LRP12: variants seen among roughly 807,000 people sequenced by gnomAD.
The protein encoded by LRP12 is LDL receptor related protein 12.
LRP12 carries 14 observed loss-of-function variants against 66.0 expected under a neutral mutation model. The observed-to-expected ratio is 0.21, with a 90% CI of 0.14 to 0.33. LRP12 has a LOEUF of 0.33. Ranked by LOEUF, LRP12 falls within the 10% of genes least tolerant of loss-of-function variation. The pLI is 1.00. For synonymous variants in LRP12, 357 were observed against 359.1 expected (o/e 0.99, Z 0.07); for missense variants, 889 against 1,053.4 (o/e 0.84, Z 2.16).
intron 1 of LRP12, among the ~76,000 whole-genome samples, chr8:104,548,305 T>TTA (rs1811650630): frequency 8.5e-4 from 34 of 40,032 alleles, no homozygotes; most frequent in Admixed American, 1.4e-3. Context: ...TTATATAATA[T>TTA]ATATTATATA....
At chr8:104,582,015 G>A (rs1038420857) in intron 1 of LRP12, among the ~76,000 whole-genome samples, 1 of 152,112 alleles carries the variant, frequency 6.6e-6, no homozygotes, top group African/African-American at 2.4e-5. Flanking sequence ...TATGTAAAAA[G>A]ATGCCTTAAC....
chr8:104,491,087 T>G lies in LRP12; in HGVS notation c.2166A>C (p.Ala722=), dbSNP rs1810618253. The G allele has an allele frequency of 6.2e-7, 1 of 1,614,026 alleles. No individual in the cohort carries two copies. The highest frequency in any genetic ancestry group is 1.3e-5 in the African/African-American group (1 of 74,906). The stretch of plus-strand genomic sequence containing the variant: ...TGAGTGCACTTGTAAGCTGGTGACG[T>G]GCTGGACTCACACTTGGGGGTTCCA... The part of the protein sequence containing the change: ...TSVEPPSVSP[A]RHQLTSALSR... The change falls in exon 7 of 7, where the codon GCA becomes GCC. Residue 722 remains alanine (A), a synonymous_variant. Transcript: ENST00000276654.
chr8:104,568,650 C>T (rs1812038479), intron 1 of LRP12, among the ~76,000 whole-genome samples: 1 of 151,954 alleles, frequency 6.6e-6, no homozygotes, highest in Non-Finnish European at 1.5e-5. Flanking sequence ...AGTATAAACA[C>T]AAAAGGCCAA....
At chr8:104,499,230 A>C in intron 4 of LRP12, 87 bp downstream of exon 4, 2 of 1,046,666 alleles carry the variant, frequency 1.9e-6, no homozygotes, top group South Asian at 3.2e-5. Context: ...TAATTAAATG[A>C]ACACTACTTA....
chr8:104,530,304 A>G (rs1248572472), intron 2 of LRP12, among the ~76,000 whole-genome samples: 1 of 152,152 alleles, frequency 6.6e-6, no homozygotes, highest in East Asian at 1.9e-4. Context: ...CTAACTCCCA[A>G]TGTGACTGTA....
intron 1 of LRP12, among the ~76,000 whole-genome samples, chr8:104,583,768 T>C (rs1265978142): frequency 1.3e-5 from 2 of 152,122 alleles, no homozygotes; most frequent in East Asian, 1.9e-4. Context: ...TTCTCTTCCA[T>C]AAAACAAAAG....
chr8:104,499,299 T>C lies in LRP12; in HGVS notation c.475+18A>G. 2.5e-6 allele frequency: 4 copies of C among 1,597,472 alleles called. No individual in the cohort carries two copies. Among genetic ancestry groups the C allele is most frequent in the Non-Finnish European group, 3.4e-6 (4 of 1,167,890 alleles). On this transcript the variant is annotated intron_variant, in intron 4 of 6. Coordinates refer to ENST00000276654, the MANE Select transcript of LRP12 (RefSeq NM_013437.5). ...ACCATAAAATTCAGTTCAATATCTTTCTTATTTAAAAACACACCTGAAAAA... is the reference window on the plus strand; with the variant it reads ...ACCATAAAATTCAGTTCAATATCTTCCTTATTTAAAAACACACCTGAAAAA...
rs182325131 is a variant in LRP12 at position 104,531,437 on chromosome 8, T to C, written c.136+470A>G. 4.6e-5 allele frequency among the ~76,000 whole-genome samples: 7 copies of C among 152,260 alleles called. No individual in the cohort carries two copies. In the East Asian group the frequency reaches 1.2e-3, roughly 25 times the overall value. On this transcript the variant is annotated intron_variant, in intron 2 of 6. Coordinates refer to ENST00000276654, the MANE Select transcript of LRP12 (RefSeq NM_013437.5). The stretch of plus-strand genomic sequence containing the variant: ...CACAATGATGAATTTCTGAATTTCA[T>C]GGACACAAGTATACTGTGTTGCTTT...
chr8:104,546,928 A>C lies in LRP12; in HGVS notation c.80-14965T>G, dbSNP rs1029936878. Among the ~76,000 whole-genome samples the C allele has an allele frequency of 5.9e-4, 84 of 143,504 alleles. No homozygotes were observed. The South Asian group carries it at 0.01, about 17-fold the overall frequency. The allele number at this position is 143,504 out of a possible 152,430, so 94.1% of individuals were successfully genotyped here. On this transcript the variant is annotated intron_variant, in intron 1 of 6. Transcript: ENST00000276654. ...ATATATTATATAATTATATATAATTATATATTATATTTTGTATATAATATA... is the reference window on the plus strand; with the variant it reads ...ATATATTATATAATTATATATAATTCTATATTATATTTTGTATATAATATA...
intron 2 of LRP12, among the ~76,000 whole-genome samples, chr8:104,531,321 A>G (rs1225729722): frequency 6.6e-6 from 1 of 152,142 alleles, no homozygotes; most frequent in East Asian, 1.9e-4. Flanking sequence ...AAGAATAAAA[A>G]TTTTAGTAGT....
intron 4 of LRP12, among the ~76,000 whole-genome samples, chr8:104,499,022 G>A (rs1231327041): frequency 6.6e-6 from 1 of 152,186 alleles, no homozygotes; most frequent in Non-Finnish European, 1.5e-5. Context: ...TAACTTTCTG[G>A]ATATGCGTAA....
rs1810758554 is a variant in LRP12 at position 104,497,727 on chromosome 8, A to G, written c.825T>C (p.Tyr275=). 1 of 1,613,696 alleles carries G rather than the reference A, an allele frequency of 6.2e-7. No homozygotes were observed. The highest frequency in any genetic ancestry group is 1.3e-5 in the African/African-American group (1 of 74,896). ...YFYGTFNSPN[Y]PDFYPPGSNC... is the part of the protein sequence containing the mutation. Reference sequence around the variant, plus strand: ...TGCTTCCAGGAGGATAAAAGTCTGGATAATTGGGAGAATTAAAAGTACCAT... The same window carrying G: ...TGCTTCCAGGAGGATAAAAGTCTGGGTAATTGGGAGAATTAAAAGTACCAT... Residue 275 remains tyrosine (Y), a synonymous_variant, in exon 5 of 7, where the codon TAT becomes TAC. Coordinates refer to ENST00000276654, the MANE Select transcript of LRP12 (RefSeq NM_013437.5). This position sits in a 1 kb window ranked among gnomAD's most constrained non-coding sequence, Gnocchi z 4.3.
intron 1 of LRP12, among the ~76,000 whole-genome samples, chr8:104,547,399 C>T (rs1350635617): frequency 1.6e-5 from 2 of 128,226 alleles, no homozygotes; most frequent in African/African-American, 5.9e-5. Flanking sequence ...ATATAATATA[C>T]AATTCTGTTA....
intron 3 of LRP12, among the ~76,000 whole-genome samples, chr8:104,501,144 A>G (rs1405394742): frequency 6.6e-6 from 1 of 152,116 alleles, no homozygotes; most frequent in Admixed American, 6.5e-5. Flanking sequence ...TATAAACATG[A>G]GCTTATTCGG....
intron 1 of LRP12, among the ~76,000 whole-genome samples, chr8:104,546,924 AATTATAT>A (rs1196333851): frequency 7.0e-6 from 1 of 142,882 alleles, no homozygotes; most frequent in Non-Finnish European, 1.5e-5. Context: ...AATTATATAT[AATTATAT>A]ATTATATTTT....
Position 104,496,988 on chromosome 8 carries a change from T to G in LRP12, c.1564A>C (p.Arg522=). Residue 522 remains arginine, a synonymous_variant, in exon 5 of 7, where the codon AGA becomes CGA. Transcript: ENST00000276654. ...GATACTGACCTTCTTTCAAACATTC[T>G]CAGAGAATAAAGCTTACAAGTACAT... ...LGCTCKLYSL[R]MFERRSFETQ... 6.6e-7 allele frequency: 1 copy of G among 1,526,430 alleles called. No homozygotes were observed. Among genetic ancestry groups the G allele is most frequent in the Non-Finnish European group, 8.8e-7 (1 of 1,137,814 alleles). The allele number at this position is 1,526,430 out of a possible 1,614,324, so 94.6% of individuals were successfully genotyped here. A position where few individuals can be genotyped will look rare whatever the true frequency, so the allele number is the denominator to read the frequency against.
At chr8:104,495,035 T>C (rs1481025927) in intron 6 of LRP12, 42 bp downstream of exon 6, 1 of 1,585,046 alleles carries the variant, frequency 6.3e-7, no homozygotes, top group Admixed American at 1.7e-5. Context: ...GCAGATTTCA[T>C]TTTAAGAGGA....
intron 1 of LRP12, among the ~76,000 whole-genome samples, chr8:104,581,982 T>C (rs1425855287): frequency 6.6e-6 from 1 of 152,168 alleles, no homozygotes. Context: ...GATACAAAGA[T>C]TATTCTTATG....
intron 2 of LRP12, among the ~76,000 whole-genome samples, chr8:104,525,526 C>T (rs910227173): frequency 1.3e-5 from 2 of 152,096 alleles, no homozygotes; most frequent in African/African-American, 4.8e-5. Context: ...CCCAAAAATT[C>T]ATGAGTAAAC....
Sources: allele counts gnomAD v4.1 joint callset (sites outside exome capture counted in the v4.1 genomes callset), GRCh38; gene constraint gnomAD v4.1.1; non-coding constraint Gnocchi (gnomAD v3.1); transcripts MANE v1.5; gene names NCBI Gene and HGNC (gene_info 2026-07-23, HGNC 2026-07-21).